The following NBEA variants were observed in gnomAD, a reference collection of about 807,000 sequenced individuals.
NBEA encodes the protein neurobeachin.
In NBEA, 44 loss-of-function variants were observed where a neutral mutation model predicts 343.4. The observed-to-expected ratio is 0.13, with a 90% CI of 0.10 to 0.16. NBEA has a LOEUF of 0.16. NBEA is among the 10% of genes least tolerant of loss of function. NBEA has a pLI of 1.00. For missense variants in NBEA, 2,555 were observed against 3,631.3 expected, an observed-to-expected ratio of 0.70 and a Z score of 7.62; for synonymous variants, 1,175 against 1,238.7, an observed-to-expected ratio of 0.95 and a Z score of 1.08.
intron 34 of NBEA, among the ~76,000 whole-genome samples, chr13:35,233,095 G>A (rs2075061480): frequency 6.6e-6 from 1 of 152,080 alleles, no homozygotes; most frequent in Non-Finnish European, 1.5e-5. Context: ...CTCCTCAACA[G>A]CAGCTTACAT....
chr13:35,569,529 C>T (rs2080294378), intron 45 of NBEA, among the ~76,000 whole-genome samples: 1 of 152,142 alleles, frequency 6.6e-6, no homozygotes, highest in Admixed American at 6.5e-5. Context: ...AACTTATAGA[C>T]TGAAGCTCCT....
chr13:34,961,262 T>C (rs1295698206), intron 1 of NBEA, among the ~76,000 whole-genome samples: 2 of 152,116 alleles, frequency 1.3e-5, no homozygotes, highest in Non-Finnish European at 2.9e-5. Flanking sequence ...TCTATTAATG[T>C]AGCTTATTCC....
chr13:35,079,075 T>C (rs2064254151), intron 10 of NBEA, among the ~76,000 whole-genome samples: 1 of 152,010 alleles, frequency 6.6e-6, no homozygotes, highest in African/African-American at 2.4e-5. Context: ...AAGAAAATTT[T>C]GGTAAAATTT....
intron 35 of NBEA, among the ~76,000 whole-genome samples, chr13:35,306,118 A>G (rs937138933): frequency 1.3e-5 from 2 of 152,140 alleles, no homozygotes; most frequent in Non-Finnish European, 2.9e-5. Context: ...TCCATCTTCT[A>G]GTTTTGCTGT....
At chr13:35,564,685 T>C (rs1377321990) in intron 44 of NBEA, among the ~76,000 whole-genome samples, 1 of 152,176 alleles carries the variant, frequency 6.6e-6, no homozygotes, top group African/African-American at 2.4e-5. Flanking sequence ...TTATTCACCA[T>C]AGACTTAAAC....
intron 38 of NBEA, among the ~76,000 whole-genome samples, chr13:35,404,468 T>C (rs1011279026): frequency 1.3e-5 from 2 of 151,058 alleles, no homozygotes; most frequent in African/African-American, 2.4e-5. Context: ...ATGGATGAAA[T>C]TGGAAACCAT....
chr13:35,090,349 G>T (rs2065019301), intron 10 of NBEA, among the ~76,000 whole-genome samples: 1 of 151,854 alleles, frequency 6.6e-6, no homozygotes, highest in Admixed American at 6.6e-5. Flanking sequence ...ACATTTAGTT[G>T]ATTTAGTCAC....
intron 34 of NBEA, among the ~76,000 whole-genome samples, chr13:35,286,432 T>G (rs2035430622): frequency 6.6e-6 from 1 of 152,146 alleles, no homozygotes; most frequent in African/African-American, 2.4e-5. Flanking sequence ...CTTTGACATT[T>G]AAAAGATTAG....
intron 35 of NBEA, among the ~76,000 whole-genome samples, chr13:35,297,849 A>T (rs765855571): frequency 2.0e-5 from 3 of 151,930 alleles, no homozygotes; most frequent in Non-Finnish European, 4.4e-5. Flanking sequence ...AAAATACATA[A>T]AATGTAAAAT....
At chr13:35,108,936 C>A (rs1389471804) in intron 11 of NBEA, among the ~76,000 whole-genome samples, 1 of 152,050 alleles carries the variant, frequency 6.6e-6, no homozygotes, top group Non-Finnish European at 1.5e-5. Flanking sequence ...TAAACACTAT[C>A]ACTTTTTATT....
At chr13:35,412,490 T>C (rs1157130182) in intron 38 of NBEA, among the ~76,000 whole-genome samples, 4 of 152,146 alleles carry the variant, frequency 2.6e-5, no homozygotes, top group Non-Finnish European at 5.9e-5. Flanking sequence ...AAATTTTAAC[T>C]ATAAGTTTGT....
At chr13:35,314,643 A>G (rs963331190) in intron 36 of NBEA, among the ~76,000 whole-genome samples, 1 of 152,164 alleles carries the variant, frequency 6.6e-6, no homozygotes, top group Non-Finnish European at 1.5e-5. Flanking sequence ...CCCATTGATA[A>G]GCTGTTAGAC....
chr13:35,110,115 T>A (rs2066124133), intron 12 of NBEA, among the ~76,000 whole-genome samples: 1 of 150,486 alleles, frequency 6.6e-6, no homozygotes, highest in African/African-American at 2.4e-5. Context: ...TGCAGGTTAG[T>A]TACATATGTA....
chr13:35,001,367 A>T (rs2061133295), intron 1 of NBEA, among the ~76,000 whole-genome samples: 2 of 152,036 alleles, frequency 1.3e-5, no homozygotes, highest in South Asian at 4.1e-4. Flanking sequence ...AGATACTTGC[A>T]CTCCCATGTT....
intron 34 of NBEA, among the ~76,000 whole-genome samples, chr13:35,268,763 T>A (rs1478367799): frequency 6.6e-6 from 1 of 152,080 alleles, no homozygotes; most frequent in East Asian, 1.9e-4. Flanking sequence ...TCCATTTTAA[T>A]GTATGATCAT....
intron 38 of NBEA, among the ~76,000 whole-genome samples, chr13:35,421,275 T>G (rs1315328404): frequency 6.6e-6 from 1 of 152,018 alleles, no homozygotes; most frequent in Non-Finnish European, 1.5e-5. Context: ...TTCCTGTGGG[T>G]GACTTGGTCA....
chr13:35,033,474 C>T (rs1015510503), intron 1 of NBEA, among the ~76,000 whole-genome samples: 7 of 151,760 alleles, frequency 4.6e-5, no homozygotes, highest in African/African-American at 1.7e-4. Flanking sequence ...CTTAGGATAG[C>T]TTTGGCTATT....
intron 38 of NBEA, among the ~76,000 whole-genome samples, chr13:35,402,979 T>A (rs898677706): frequency 6.6e-6 from 1 of 152,098 alleles, no homozygotes; most frequent in East Asian, 1.9e-4. Context: ...AGTAGTTTCA[T>A]AACTACTTCC....
intron 8 of NBEA, among the ~76,000 whole-genome samples, chr13:35,059,528 T>C (rs1401939495): frequency 6.6e-6 from 1 of 151,902 alleles, no homozygotes; most frequent in Non-Finnish European, 1.5e-5. Context: ...AATTGTAAAG[T>C]CTCAAACTAC....
Sources: gnomAD v4.1 joint callset for allele counts (sites outside exome capture counted in the v4.1 genomes callset) on GRCh38, gnomAD v4.1.1 for gene constraint, MANE v1.5 for transcripts, NCBI Gene and HGNC (gene_info 2026-07-23, HGNC 2026-07-21) for gene names.